The following IQSEC1 variants were observed in gnomAD, a reference collection of about 807,000 sequenced individuals.
The protein encoded by IQSEC1 is IQ motif and Sec7 domain ArfGEF 1.
In IQSEC1, 31 loss-of-function variants were observed where a neutral mutation model predicts 91.0. The observed-to-expected ratio is 0.34, with a 90% CI of 0.26 to 0.46. The LOEUF is 0.46. IQSEC1 is among the 20% of genes least tolerant of loss of function. The pLI is 1.00. For missense variants in IQSEC1, 1,388 were observed against 1,575.6 expected (o/e 0.88, Z 2.02); for synonymous variants, 699 against 662.6 (o/e 1.05, Z -0.84).
chr3:13,007,368 C>T lies in IQSEC1; in HGVS notation c.24-65503G>A, dbSNP rs890089307. On this transcript the variant is annotated intron_variant, in intron 1 of 13. Transcript: ENST00000613206. ...CATCCAGAGAACTGAGTAGTGGGGA[C>T]GCCAGCTGTGGGCCCAGCTGCCCCT... Among the ~76,000 whole-genome samples the T allele has an allele frequency of 4.6e-5, 7 of 152,296 alleles. No individual in the cohort carries two copies. The South Asian group carries it at 8.3e-4, about 18-fold the overall frequency.
intron 1 of IQSEC1, among the ~76,000 whole-genome samples, chr3:13,213,127 C>T (rs1694477184): frequency 6.6e-6 from 1 of 152,164 alleles, no homozygotes; most frequent in Non-Finnish European, 1.5e-5. Context: ...TTTGCCAAAC[C>T]CAAGGCCATG....
intron 1 of IQSEC1, among the ~76,000 whole-genome samples, chr3:13,191,477 A>ATTTTTTTTTTTTTTTTTTTT (rs57912681): frequency 1.1e-5 from 1 of 92,102 alleles, no homozygotes; most frequent in Non-Finnish European, 2.0e-5. Flanking sequence ...CACCCAGCTA[A>ATTTTTTTTTTTTTTTTTTTT]TTTTTTTTTT....
intron 1 of IQSEC1, among the ~76,000 whole-genome samples, chr3:13,016,579 G>C (rs920111824): frequency 6.6e-6 from 1 of 152,170 alleles, no homozygotes; most frequent in Non-Finnish European, 1.5e-5. Flanking sequence ...ACTCCTGCCA[G>C]CCTCCTCCTC....
At position 13,030,851 on chromosome 3, in the gene IQSEC1, G is replaced by A. The variant is rs74944510; in HGVS notation, c.23+42141C>T. On this transcript the variant is annotated intron_variant, in intron 1 of 13. Coordinates refer to ENST00000613206, the MANE Select transcript of IQSEC1 (RefSeq NM_001134382.3). ...AGGCGCAAAGCTGTGCCACGCAGGC[G>A]TGGGATTCGCCTTACAACTCCGAGG... Among the ~76,000 whole-genome samples the A allele has an allele frequency of 8.4e-3, 1,287 of 152,384 alleles. 19 individuals are homozygous for A. The highest frequency in any genetic ancestry group is 0.029 in the African/African-American group (1,190 of 41,592).
intron 2 of IQSEC1, among the ~76,000 whole-genome samples, chr3:13,105,426 C>T (rs1300970394): frequency 6.6e-6 from 1 of 152,154 alleles, no homozygotes; most frequent in Non-Finnish European, 1.5e-5. Context: ...GACAGCCACC[C>T]GCTCCCACCA....
rs545578641 is a variant in IQSEC1 at position 12,947,715 on chromosome 3, A to G, written c.24-5850T>C. Among the ~76,000 whole-genome samples, 17 of 152,312 alleles carry G rather than the reference A, an allele frequency of 1.1e-4. 2 individuals are homozygous for G. The highest frequency in any genetic ancestry group is 9.7e-4 in the East Asian group (5 of 5,180). On this transcript the variant is annotated intron_variant, in intron 1 of 13. Transcript: ENST00000613206. ...AGAGCACGTAAGGGCCTGGAGCTGCATGTGGATGCATCCACACTCTGCCCC... is the reference window on the plus strand; with the variant it reads ...AGAGCACGTAAGGGCCTGGAGCTGCGTGTGGATGCATCCACACTCTGCCCC...
intron 2 of IQSEC1, among the ~76,000 whole-genome samples, chr3:13,081,065 G>A (rs1705641009): frequency 6.6e-6 from 1 of 152,172 alleles, no homozygotes; most frequent in African/African-American, 2.4e-5. Context: ...TAAAAGAGAT[G>A]TTTACAATGT....
chr3:12,959,928 C>T (rs778579460), intron 1 of IQSEC1, among the ~76,000 whole-genome samples: 9 of 152,176 alleles, frequency 5.9e-5, no homozygotes, highest in Non-Finnish European at 1.2e-4. Context: ...CAAAAAATCT[C>T]AAACCCTGCT....
intron 1 of IQSEC1, among the ~76,000 whole-genome samples, chr3:13,009,506 A>G (rs1222571221): frequency 2.6e-5 from 4 of 151,626 alleles, no homozygotes; most frequent in African/African-American, 9.7e-5. Context: ...ACTCCCTTTG[A>G]CCACTTCCTG....
At chr3:13,034,251 T>C (rs1000780670) in intron 1 of IQSEC1, among the ~76,000 whole-genome samples, 2 of 152,146 alleles carry the variant, frequency 1.3e-5, no homozygotes, top group Non-Finnish European at 1.5e-5. Flanking sequence ...TGCCATGATC[T>C]TCCCCCTCCG....
intron 1 of IQSEC1, among the ~76,000 whole-genome samples, chr3:12,996,769 C>A (rs893447368): frequency 1.3e-5 from 2 of 152,170 alleles, no homozygotes; most frequent in Non-Finnish European, 2.9e-5. Context: ...TATGAACAAG[C>A]AGCTCATGGA....
chr3:13,224,232 G>C (rs147432364), intron 1 of IQSEC1, among the ~76,000 whole-genome samples: 19 of 152,216 alleles, frequency 1.2e-4, no homozygotes, highest in African/African-American at 4.3e-4. Flanking sequence ...CTGTGGTCCA[G>C]ACCAATCAGA....
chr3:13,232,732 G>C (rs911150390), intron 1 of IQSEC1, among the ~76,000 whole-genome samples: 1 of 152,186 alleles, frequency 6.6e-6, no homozygotes, highest in Non-Finnish European at 1.5e-5. Flanking sequence ...AATAAATAAA[G>C]AGTAGTGTAC....
rs112654703 is a variant in IQSEC1 at position 13,191,975 on chromosome 3, C to T, written c.273-27842G>A. On this transcript the variant is annotated intron_variant, in intron 1 of 15. Transcript: ENST00000648114. Reference sequence around the variant, plus strand: ...AGTTCAGTTATGGGTTCCATGGTGTCCCCCTCTTCATAATAAATATGTTGA... The same window carrying T: ...AGTTCAGTTATGGGTTCCATGGTGTTCCCCTCTTCATAATAAATATGTTGA... Among the ~76,000 whole-genome samples, 1,483 of 152,282 alleles carry T rather than the reference C, an allele frequency of 9.7e-3. 31 individuals carry two copies. Among genetic ancestry groups the T allele is most frequent in the African/African-American group, 0.034 (1,424 of 41,538 alleles).
At chr3:13,179,448 CA>C in intron 1 of IQSEC1, among the ~76,000 whole-genome samples, 1 of 152,256 alleles carries the variant, frequency 6.6e-6, no homozygotes, top group Non-Finnish European at 1.5e-5. Context: ...TGAAAACTGT[CA>C]ACCCACAAGC....
chr3:13,172,373 C>T (rs562587196), intron 1 of IQSEC1, among the ~76,000 whole-genome samples: 1 of 152,264 alleles, frequency 6.6e-6, no homozygotes, highest in East Asian at 1.9e-4. Context: ...ATAGCAAAGT[C>T]ATGGATGACT....
chr3:12,911,739 C>A lies in IQSEC1; in HGVS notation c.2317-11G>T. The stretch of plus-strand genomic sequence containing the variant: ...GAAGATCTTGGTGACCTAGAGGCAG[C>A]CAGAGACAGAGCTGAGCTACAGTGT... On this transcript the variant is annotated splice_polypyrimidine_tract_variant and intron_variant, in intron 9 of 13. Coordinates refer to ENST00000613206, the MANE Select transcript of IQSEC1 (RefSeq NM_001134382.3). 1 of 1,589,674 alleles carries A rather than the reference C, an allele frequency of 6.3e-7. No homozygotes were observed. Among genetic ancestry groups the A allele is most frequent in the Non-Finnish European group, 8.6e-7 (1 of 1,160,526 alleles).
chr3:12,910,533 C>T (rs898618687), intron 10 of IQSEC1, among the ~76,000 whole-genome samples: 1 of 152,252 alleles, frequency 6.6e-6, no homozygotes, highest in African/African-American at 2.4e-5. Context: ...TCCCCTGGGA[C>T]CAAGGCAAGG....
chr3:13,001,547 C>T (rs773927398), intron 1 of IQSEC1, among the ~76,000 whole-genome samples: 3 of 152,146 alleles, frequency 2.0e-5, no homozygotes, highest in South Asian at 2.1e-4. Flanking sequence ...AAGGCAGCCA[C>T]GAACATCAGG....
Sources: gnomAD v4.1 joint callset for allele counts (sites outside exome capture counted in the v4.1 genomes callset) on GRCh38, gnomAD v4.1.1 for gene constraint, MANE v1.5 for transcripts, NCBI Gene and HGNC (gene_info 2026-07-23, HGNC 2026-07-21) for gene names.